Variants in PARM1 observed in about 807,000 individuals in gnomAD.
PARM1 encodes the protein prostate androgen-regulated mucin-like protein 1.
A neutral mutation model predicts 24.6 loss-of-function variants in PARM1; 14 were observed. The observed-to-expected ratio is 0.57, with a 90% CI of 0.38 to 0.89. PARM1 has a LOEUF of 0.89. Ranked by LOEUF, PARM1 falls within the 40% of genes least tolerant of loss-of-function variation. The pLI is 0.00. For synonymous variants in PARM1, 179 were observed against 156.6 expected, an observed-to-expected ratio of 1.14 and a Z score of -1.07; for missense variants, 362 against 380.4, an observed-to-expected ratio of 0.95 and a Z score of 0.40.
At position 74,983,639 on chromosome 4, in the gene PARM1, T is replaced by C. The variant is rs545272891; in HGVS notation, c.44-28786T>C. ...CCTTCAACATCCCCTCCTGCTCCCA[T>C]GTACTTTTATCCATTACTTTTCCTC... is the stretch of plus-strand genomic sequence containing the variant. On this transcript the variant is annotated intron_variant, in intron 1 of 3. Coordinates refer to ENST00000307428, the MANE Select transcript of PARM1 (RefSeq NM_015393.4). Among the ~76,000 whole-genome samples the C allele has an allele frequency of 4.6e-5, 7 of 152,304 alleles. No individual in the cohort carries two copies. In the South Asian group the frequency reaches 1.4e-3, roughly 32 times the overall value.
chr4:75,028,320 G>A (rs1723219260), intron 2 of PARM1, among the ~76,000 whole-genome samples: 2 of 152,096 alleles, frequency 1.3e-5, no homozygotes, highest in African/African-American at 2.4e-5. Context: ...TCAAGCCCTC[G>A]CCAGTCGCCC....
chr4:75,033,834 G>T (rs1432638406), intron 2 of PARM1, 49 bp from the exon 3 acceptor site: 7 of 1,475,054 alleles, frequency 4.7e-6, no homozygotes, highest in Admixed American at 2.0e-5. Flanking sequence ...GTCACATGAT[G>T]CCCCGTATCC....
At chr4:75,023,420 C>A (rs112118797) in intron 2 of PARM1, among the ~76,000 whole-genome samples, 1 of 152,168 alleles carries the variant, frequency 6.6e-6, no homozygotes, top group African/African-American at 2.4e-5. Flanking sequence ...ACTACATAAA[C>A]GTTAGCTATT....
chr4:75,028,666 G>A (rs866292415), intron 2 of PARM1, among the ~76,000 whole-genome samples: 2 of 152,284 alleles, frequency 1.3e-5, no homozygotes, highest in African/African-American at 4.8e-5. Context: ...TGTAGCTCAG[G>A]AGTCATCTAT....
At chr4:74,960,529 C>T (rs1161967240) in intron 1 of PARM1, among the ~76,000 whole-genome samples, 1 of 152,132 alleles carries the variant, frequency 6.6e-6, no homozygotes, top group African/African-American at 2.4e-5. Context: ...CAACAATTAG[C>T]ATACCCTGGG....
At chr4:75,037,182 T>C (rs1338134861) in intron 3 of PARM1, among the ~76,000 whole-genome samples, 1 of 152,240 alleles carries the variant, frequency 6.6e-6, no homozygotes, top group Non-Finnish European at 1.5e-5. Flanking sequence ...AACTTACTCT[T>C]CTTTCTTCAT....
At chr4:74,943,900 A>G (rs954534828) in intron 1 of PARM1, among the ~76,000 whole-genome samples, 1 of 152,250 alleles carries the variant, frequency 6.6e-6, no homozygotes, top group African/African-American at 2.4e-5. Flanking sequence ...GCTCAAGAAC[A>G]GAATGGGCAT....
At chr4:75,018,683 T>C (rs1723032161) in intron 2 of PARM1, among the ~76,000 whole-genome samples, 1 of 152,222 alleles carries the variant, frequency 6.6e-6, no homozygotes, top group Non-Finnish European at 1.5e-5. Context: ...AGAATATGTA[T>C]GTTCCAAGAA....
At chr4:74,935,004 T>TC (rs1721149530) in intron 1 of PARM1, among the ~76,000 whole-genome samples, 1 of 148,164 alleles carries the variant, frequency 6.7e-6, no homozygotes, top group Non-Finnish European at 1.5e-5. Flanking sequence ...TTCTTTTTTT[T>TC]TTTTTTCTTT....
At chr4:74,994,626 T>C (rs545111033) in intron 1 of PARM1, among the ~76,000 whole-genome samples, 18 of 152,080 alleles carry the variant, frequency 1.2e-4, no homozygotes, top group Admixed American at 5.9e-4. Context: ...TTGGGCAACA[T>C]AGTGAAACCC....
At chr4:75,003,555 A>C (rs1226050241) in intron 1 of PARM1, among the ~76,000 whole-genome samples, 1 of 152,190 alleles carries the variant, frequency 6.6e-6, no homozygotes, top group Non-Finnish European at 1.5e-5. Context: ...CATTTCCATA[A>C]GCAAAATACT....
chr4:75,030,021 G>A (rs910783293), intron 2 of PARM1, among the ~76,000 whole-genome samples: 4 of 152,144 alleles, frequency 2.6e-5, no homozygotes, highest in African/African-American at 9.7e-5. Context: ...AGAGATGCAA[G>A]ATGGCCATGA....
At chr4:74,976,794 A>G (rs549080210) in intron 1 of PARM1, among the ~76,000 whole-genome samples, 17 of 152,284 alleles carry the variant, frequency 1.1e-4, no homozygotes, top group Middle Eastern at 3.4e-3. Flanking sequence ...TGACACCTCC[A>G]GGTGCGGGAG....
intron 1 of PARM1, among the ~76,000 whole-genome samples, chr4:75,008,059 T>C (rs1722805511): frequency 6.6e-6 from 1 of 152,246 alleles, no homozygotes; most frequent in Admixed American, 6.5e-5. Flanking sequence ...GCAAGCATTC[T>C]CTACGATCAT....
chr4:75,000,147 C>T (rs562511309), intron 1 of PARM1, among the ~76,000 whole-genome samples: 44 of 152,202 alleles, frequency 2.9e-4, no homozygotes, highest in Admixed American at 2.7e-3. Flanking sequence ...TCTCTGATAG[C>T]GGCTGCAAAG....
chr4:75,029,937 T>A (rs1723245887), intron 2 of PARM1, among the ~76,000 whole-genome samples: 1 of 152,090 alleles, frequency 6.6e-6, no homozygotes, highest in Non-Finnish European at 1.5e-5. Flanking sequence ...TTATTCAACA[T>A]TAAATACATG....
At chr4:74,979,480 AC>A (rs1196048770) in intron 1 of PARM1, among the ~76,000 whole-genome samples, 1 of 152,160 alleles carries the variant, frequency 6.6e-6, no homozygotes, top group Non-Finnish European at 1.5e-5. Context: ...TAGCCTACCA[AC>A]CAAAAAAAGC....
chr4:74,934,961 A>G (rs572460238), intron 1 of PARM1, among the ~76,000 whole-genome samples: 1 of 149,122 alleles, frequency 6.7e-6, no homozygotes, highest in East Asian at 2.0e-4. Flanking sequence ...AGTGTATTGT[A>G]GCTTCCCCAC....
intron 2 of PARM1, among the ~76,000 whole-genome samples, chr4:75,024,000 G>A (rs1051719492): frequency 1.3e-5 from 2 of 152,120 alleles, no homozygotes; most frequent in African/African-American, 2.4e-5. Context: ...GGCCAGGTGC[G>A]GTGGCTCACG....
Sources: gnomAD v4.1 joint callset for allele counts (sites outside exome capture counted in the v4.1 genomes callset) on GRCh38, gnomAD v4.1.1 for gene constraint, MANE v1.5 for transcripts, NCBI Gene and HGNC (gene_info 2026-07-23, HGNC 2026-07-21) for gene names.